The following KCNH1 variants were observed in gnomAD, a reference collection of about 807,000 sequenced individuals.
KCNH1 encodes the protein voltage-gated delayed rectifier potassium channel KCNH1.
Under a neutral mutation model 69.2 loss-of-function variants are expected in KCNH1, and 27 were observed. The observed-to-expected ratio is 0.39, with a 90% confidence interval of 0.29 to 0.54. KCNH1 has a LOEUF of 0.54. Ranked by LOEUF, KCNH1 falls within the 20% of genes least tolerant of loss-of-function variation. The pLI is 0.68. For synonymous variants in KCNH1, 456 were observed against 487.7 expected, an observed-to-expected ratio of 0.93 and a Z score of 0.86; for missense variants, 798 against 1,261.6, an observed-to-expected ratio of 0.63 and a Z score of 5.57.
chr1:210,869,703 CTT>C (rs1253119181), intron 7 of KCNH1, among the ~76,000 whole-genome samples: 1 of 152,066 alleles, frequency 6.6e-6, no homozygotes, highest in African/African-American at 2.4e-5. Flanking sequence ...ATTAAGTAGA[CTT>C]TACTCTAGGG....
At chr1:210,875,818 T>A (rs1478300002) in intron 7 of KCNH1, among the ~76,000 whole-genome samples, 81 of 142,306 alleles carry the variant, frequency 5.7e-4, no homozygotes, top group Middle Eastern at 3.8e-3. Context: ...AAAAAAAAAA[T>A]AAATCAATAG....
chr1:211,068,396 CTTTT>C (rs1203578483), intron 5 of KCNH1, among the ~76,000 whole-genome samples: 1 of 152,024 alleles, frequency 6.6e-6, no homozygotes, highest in Non-Finnish European at 1.5e-5. Flanking sequence ...GAAAAATCAA[CTTTT>C]TTGTTTTTTT....
intron 7 of KCNH1, among the ~76,000 whole-genome samples, chr1:210,910,604 T>C (rs1170231184): frequency 6.6e-6 from 1 of 152,234 alleles, no homozygotes; most frequent in African/African-American, 2.4e-5. Context: ...GACAATGAGA[T>C]TGGGGGTCAG....
chr1:210,919,505 T>C lies in KCNH1; in HGVS notation c.1462+135A>G. ...ATACTGCTTTAATTATCAGGGTAAC[T>C]GTAAGCCTAGTCTTAAAAAAACTCT... On this transcript the variant is annotated intron_variant, in intron 7 of 10. Transcript: ENST00000271751. The surrounding 1 kb of genome is among the most constrained non-coding windows in gnomAD (Gnocchi z 4.2). The C allele has an allele frequency of 1.2e-6, 1 of 866,272 alleles. No homozygotes were observed. The highest frequency in any genetic ancestry group is 1.8e-6 in the Non-Finnish European group (1 of 550,618). 53.7% of individuals were successfully genotyped at this position (866,272 alleles called of 1,614,324 possible).
Position 210,740,336 on chromosome 1 carries a change from CCTAT to C in KCNH1, c.2112+35008_2112+35011del, listed in dbSNP as rs553526376. Among the ~76,000 whole-genome samples the C allele has an allele frequency of 1.9e-3, 286 of 152,244 alleles. 1 individual carries two copies. The highest frequency in any genetic ancestry group is 6.5e-3 in the African/African-American group (272 of 41,534). ...TCCGATAAAGCTCTTTTCATTCCCT[CCTAT>C]CTTTTTTTCAGAAACAGACTTTTAC... On this transcript the variant is annotated intron_variant, in intron 10 of 10. Transcript: ENST00000271751.
chr1:210,732,307 C>T (rs1187117339), intron 10 of KCNH1, among the ~76,000 whole-genome samples: 6 of 151,932 alleles, frequency 3.9e-5, no homozygotes, highest in South Asian at 2.1e-4. Flanking sequence ...AAGTGGCCCA[C>T]GGTGAGATCA....
At chr1:210,708,341 TCCTC>T (rs1681966282) in intron 10 of KCNH1, among the ~76,000 whole-genome samples, 1 of 152,058 alleles carries the variant, frequency 6.6e-6, no homozygotes, top group African/African-American at 2.4e-5. Context: ...CCTTCCTTGA[TCCTC>T]CCAGCCAGAA....
At chr1:211,108,833 A>T (rs1435398974) in intron 1 of KCNH1, among the ~76,000 whole-genome samples, 1 of 152,232 alleles carries the variant, frequency 6.6e-6, no homozygotes, top group African/African-American at 2.4e-5. Flanking sequence ...CCTTCCCTCC[A>T]TCTCTCCCAT....
At chr1:210,751,824 C>G (rs1288955260) in intron 10 of KCNH1, among the ~76,000 whole-genome samples, 4 of 152,000 alleles carry the variant, frequency 2.6e-5, no homozygotes, top group Non-Finnish European at 4.4e-5. Context: ...GCCCCCAAAT[C>G]CAGGAGAAAT....
intron 6 of KCNH1, 23 bp downstream of exon 6, chr1:211,018,760 G>A (rs767580353): frequency 6.5e-6 from 10 of 1,544,896 alleles, no homozygotes; most frequent in Non-Finnish European, 8.8e-6. Context: ...ATGACAACAA[G>A]GTCTGAGATT....
intron 6 of KCNH1, among the ~76,000 whole-genome samples, chr1:211,008,228 G>A (rs1218881591): frequency 6.6e-6 from 1 of 152,224 alleles, no homozygotes; most frequent in East Asian, 1.9e-4. Flanking sequence ...CCTTAAAAAG[G>A]AAGCAAATTC....
At position 211,002,326 on chromosome 1, in the gene KCNH1, A is replaced by ATG. The variant is rs34120096; in HGVS notation, c.1032+16455_1032+16456dup. The stretch of plus-strand genomic sequence containing the variant: ...TATACATGTATACGTGTATATATAT[A>ATG]TGTGTGTGTGTGTATATATATATAT... On this transcript the variant is annotated intron_variant, in intron 6 of 10. Transcript: ENST00000271751. 1.7e-4 allele frequency among the ~76,000 whole-genome samples: 24 copies of ATG among 138,082 alleles called. No homozygotes were observed. In the East Asian group the frequency reaches 4.2e-3, roughly 24 times the overall value. The allele number at this position is 138,082 out of a possible 152,430, so 90.6% of individuals were successfully genotyped here.
chr1:211,050,989 T>TTTGTTTTGTTGTTG (rs1690195233), intron 5 of KCNH1, among the ~76,000 whole-genome samples: 1 of 150,384 alleles, frequency 6.6e-6, no homozygotes, highest in Non-Finnish European at 1.5e-5. Flanking sequence ...ATATTTTTGT[T>TTTGTTTTGTTGTTG]TTGTTGTTGT....
intron 5 of KCNH1, among the ~76,000 whole-genome samples, chr1:211,070,803 C>T (rs1690628568): frequency 7.2e-6 from 1 of 138,486 alleles, no homozygotes; most frequent in African/African-American, 2.7e-5. Context: ...GTCTGGGGGA[C>T]AGAGCGAGAC....
intron 7 of KCNH1, among the ~76,000 whole-genome samples, chr1:210,806,038 A>G: frequency 6.6e-6 from 1 of 152,158 alleles, no homozygotes; most frequent in Admixed American, 6.5e-5. Flanking sequence ...TTCATGTGCA[A>G]GTTTTTATGT....
At chr1:210,841,980 A>G (rs1685422534) in intron 7 of KCNH1, among the ~76,000 whole-genome samples, 2 of 152,182 alleles carry the variant, frequency 1.3e-5, no homozygotes, top group South Asian at 4.1e-4. Context: ...CGGCTATAAC[A>G]TGAGCTCCTT....
intron 7 of KCNH1, among the ~76,000 whole-genome samples, chr1:210,881,646 G>C (rs1157493678): frequency 6.6e-6 from 1 of 152,176 alleles, no homozygotes; most frequent in Non-Finnish European, 1.5e-5. Flanking sequence ...ATGTCCTTCA[G>C]TAGATGAATG....
chr1:210,989,314 A>G (rs927253023), intron 6 of KCNH1, among the ~76,000 whole-genome samples: 24 of 152,250 alleles, frequency 1.6e-4, no homozygotes, highest in African/African-American at 5.8e-4. Context: ...AAAAGACACA[A>G]AATACTACTT....
At chr1:210,878,793 G>C (rs1351416521) in intron 7 of KCNH1, among the ~76,000 whole-genome samples, 1 of 151,792 alleles carries the variant, frequency 6.6e-6, no homozygotes, top group East Asian at 1.9e-4. Flanking sequence ...AAGTAGAGCA[G>C]AAATCAATAA....
Sources: allele counts gnomAD v4.1 joint callset (sites outside exome capture counted in the v4.1 genomes callset), GRCh38; gene constraint gnomAD v4.1.1; non-coding constraint Gnocchi (gnomAD v3.1); transcripts MANE v1.5; gene names NCBI Gene and HGNC (gene_info 2026-07-23, HGNC 2026-07-21).